The following STAM variants were observed in gnomAD, a reference collection of about 807,000 sequenced individuals.
STAM encodes the protein signal transducing adapter molecule 1.
In STAM, 16 loss-of-function variants were observed where a neutral mutation model predicts 63.4. The ratio of observed to expected loss-of-function variants is 0.25; its 90% CI spans 0.17 to 0.38. The LOEUF (loss-of-function observed/expected upper bound fraction) is 0.38, where lower values mean the gene tolerates loss of function less well. STAM is among the 10% of genes least tolerant of loss of function. STAM has a pLI of 1.00. For missense variants in STAM, 636 were observed against 657.1 expected (o/e 0.97, Z 0.35); for synonymous variants, 238 against 223.9 (o/e 1.06, Z -0.56).
At chr10:17,708,655 GA>G in intron 12 of STAM, 120 bp from the exon 13 acceptor site, 3 of 1,048,276 alleles carry the variant, frequency 2.9e-6, no homozygotes, top group Admixed American at 3.1e-5. Flanking sequence ...AAATAACTTT[GA>G]AAAAAGGATT....
chr10:17,710,947 T>C (rs1313586878), intron 13 of STAM, among the ~76,000 whole-genome samples: 1 of 152,174 alleles, frequency 6.6e-6, no homozygotes, highest in East Asian at 1.9e-4. Flanking sequence ...AACAGATGTG[T>C]GTTTGTGTGT....
At chr10:17,690,746 A>G (rs1351906299) in intron 5 of STAM, among the ~76,000 whole-genome samples, 1 of 152,236 alleles carries the variant, frequency 6.6e-6, no homozygotes, top group Non-Finnish European at 1.5e-5. Flanking sequence ...ATAATGTAAA[A>G]ATATTAAGAA....
Position 17,707,166 on chromosome 10 carries a change from T to C in STAM, c.1209+1425T>C, listed in dbSNP as rs553983609. 2.0e-4 allele frequency among the ~76,000 whole-genome samples: 30 copies of C among 152,130 alleles called. No homozygotes were observed. The East Asian group carries it at 5.3e-3, about 27-fold the overall frequency. On this transcript the variant is annotated intron_variant, in intron 12 of 13. Transcript: ENST00000377524. ...GGCTCATACCTGTAATCCCAGCACG[T>C]TGGGAGGCCGAGGCGGGTGGATCAC...
chr10:17,701,081 G>GCTCAAAAATATAAT (rs1835973860), intron 9 of STAM, among the ~76,000 whole-genome samples: 1 of 152,036 alleles, frequency 6.6e-6, no homozygotes, highest in Non-Finnish European at 1.5e-5. Flanking sequence ...ATATCAACTT[G>GCTCAAAAATATAAT]GTGACACACC....
In STAM at chr10:17,683,849, C is replaced by A. The variant is rs558800349; in HGVS notation, c.126-826C>A. On this transcript the variant is annotated intron_variant, in intron 2 of 13. Coordinates refer to ENST00000377524, the MANE Select transcript of STAM (RefSeq NM_003473.4). ...TGTCTTCATATCATTTTATTGAATG[C>A]TTAGTACTTTGAATTTTATATTTTT... Among the ~76,000 whole-genome samples, 8 of 152,186 alleles carry A rather than the reference C, an allele frequency of 5.3e-5. No individual in the cohort carries two copies. The East Asian group carries it at 1.5e-3, about 29-fold the overall frequency.
At chr10:17,645,523 T>C (rs1554820725) in intron 1 of STAM, among the ~76,000 whole-genome samples, 1 of 152,170 alleles carries the variant, frequency 6.6e-6, no homozygotes, top group African/African-American at 2.4e-5. Flanking sequence ...TGTTCTTGTC[T>C]TTAAAGAGGG....
In STAM at chr10:17,679,379, A is replaced by T. The variant is rs117486044; in HGVS notation, c.126-5296A>T. On this transcript the variant is annotated intron_variant, in intron 2 of 13. Coordinates refer to ENST00000377524, the MANE Select transcript of STAM (RefSeq NM_003473.4). ...GTGTATCTTACTTGGAGAAATGTCT[A>T]TTCAAGTCCTTTGCCCATTTTTGAA... 1.8e-4 allele frequency among the ~76,000 whole-genome samples: 28 copies of T among 152,230 alleles called. No individual in the cohort carries two copies. The East Asian group carries it at 3.9e-3, about 21-fold the overall frequency.
At chr10:17,666,745 C>T (rs1834404253) in intron 2 of STAM, among the ~76,000 whole-genome samples, 1 of 151,968 alleles carries the variant, frequency 6.6e-6, no homozygotes, top group Non-Finnish European at 1.5e-5. Context: ...CTATTTCCGG[C>T]CTTCAGTAGG....
chr10:17,658,071 T>TTTTAAA (rs1834013184), intron 1 of STAM, among the ~76,000 whole-genome samples: 2 of 152,100 alleles, frequency 1.3e-5, no homozygotes, highest in Admixed American at 1.3e-4. Context: ...TTTTAGATCT[T>TTTTAAA]GATTCTTTTT....
At chr10:17,714,122 A>G (rs529401207) in intron 13 of STAM, among the ~76,000 whole-genome samples, 4 of 152,112 alleles carry the variant, frequency 2.6e-5, no homozygotes, top group East Asian at 3.9e-4. Flanking sequence ...TTGCTTAAGT[A>G]TTGCCTTATT....
At chr10:17,689,709 A>G (rs1554826531) in intron 5 of STAM, among the ~76,000 whole-genome samples, 1 of 152,196 alleles carries the variant, frequency 6.6e-6, no homozygotes, top group African/African-American at 2.4e-5. Flanking sequence ...ATAGGTAGAG[A>G]AAATGCAAGC....
intron 1 of STAM, among the ~76,000 whole-genome samples, chr10:17,658,439 A>G (rs201464850): frequency 9.9e-5 from 15 of 152,196 alleles, no homozygotes; most frequent in East Asian, 9.6e-4. Flanking sequence ...ATAAATGTCA[A>G]TTGTCAATTA....
intron 9 of STAM, among the ~76,000 whole-genome samples, chr10:17,703,008 C>CAAAAAAAAAAAAAAA (rs71507229): frequency 1.2e-4 from 8 of 67,804 alleles, no homozygotes; most frequent in African/African-American, 3.1e-4. Flanking sequence ...GACTCCATCT[C>CAAAAAAAAAAAAAAA]AAAAAAAAAA....
At chr10:17,709,752 G>T (rs1217390598) in intron 13 of STAM, among the ~76,000 whole-genome samples, 1 of 151,542 alleles carries the variant, frequency 6.6e-6, no homozygotes, top group Non-Finnish European at 1.5e-5. Flanking sequence ...GCCCAGGAAT[G>T]CTCCTGCACT....
intron 9 of STAM, among the ~76,000 whole-genome samples, 187 bp from the exon 10 acceptor site, chr10:17,704,244 T>A: frequency 6.6e-6 from 1 of 152,240 alleles, no homozygotes; most frequent in South Asian, 2.1e-4. Flanking sequence ...ATATAGGAAG[T>A]ACTTTCAAGG....
At chr10:17,691,978 C>T (rs539004677) in intron 5 of STAM, among the ~76,000 whole-genome samples, 10 of 152,256 alleles carry the variant, frequency 6.6e-5, no homozygotes, top group East Asian at 1.9e-4. Flanking sequence ...TTATAAGCCC[C>T]GGAGGTAATG....
At chr10:17,666,417 CAG>C (rs1373058640) in intron 2 of STAM, among the ~76,000 whole-genome samples, 4 of 90,970 alleles carry the variant, frequency 4.4e-5, no homozygotes, top group African/African-American at 2.0e-4. Flanking sequence ...TTTTTTGAGA[CAG>C]AGTCTTGCTT....
In STAM at chr10:17,662,246, T is replaced by C. The variant is rs1589037365; in HGVS notation, c.125+1698T>C. 2.0e-5 allele frequency among the ~76,000 whole-genome samples: 3 copies of C among 152,164 alleles called. No homozygotes were observed. The East Asian group carries it at 5.8e-4, about 29-fold the overall frequency. On this transcript the variant is annotated intron_variant, in intron 2 of 13. Transcript: ENST00000377524. Reference sequence around the variant, plus strand: ...CCTCCTGTATAACATTCATTTCAGCTCAACTATCTGAGTTCCAGTGCTTTT... The same window carrying C: ...CCTCCTGTATAACATTCATTTCAGCCCAACTATCTGAGTTCCAGTGCTTTT...
intron 12 of STAM, among the ~76,000 whole-genome samples, chr10:17,708,548 A>G (rs769439510): frequency 6.6e-6 from 1 of 152,222 alleles, no homozygotes; most frequent in Admixed American, 6.5e-5. Flanking sequence ...ATGCTTCAGT[A>G]TGGAGATAAC....
Sources: gnomAD v4.1 joint callset for allele counts (sites outside exome capture counted in the v4.1 genomes callset) on GRCh38, gnomAD v4.1.1 for gene constraint, MANE v1.5 for transcripts, NCBI Gene and HGNC (gene_info 2026-07-23, HGNC 2026-07-21) for gene names.